RUFY4: variants seen among roughly 807,000 people sequenced by gnomAD.
The protein encoded by RUFY4 is RUN and FYVE domain containing 4.
Under a neutral mutation model 69.0 loss-of-function variants are expected in RUFY4, and 73 were observed. The ratio of observed to expected loss-of-function variants is 1.06; its 90% confidence interval spans 0.88 to 1.29. The LOEUF (loss-of-function observed/expected upper bound fraction) is 1.29. RUFY4 is among the 50% of genes most tolerant of loss of function. The pLI is 0.00. For missense variants in RUFY4, 770 were observed against 705.6 expected, an observed-to-expected ratio of 1.09 and a Z score of -1.03; for synonymous variants, 287 against 271.8, an observed-to-expected ratio of 1.06 and a Z score of -0.55.
intron 8 of RUFY4, among the ~76,000 whole-genome samples, chr2:218,080,195 G>A (rs1182135896): frequency 2.0e-5 from 3 of 152,206 alleles, no homozygotes; most frequent in Non-Finnish European, 2.9e-5. Context: ...GTGAGGCACC[G>A]GAATTCTCTG....
chr2:218,040,411 A>G (rs1446810299), intron 2 of RUFY4, among the ~76,000 whole-genome samples: 2 of 152,154 alleles, frequency 1.3e-5, no homozygotes, highest in African/African-American at 4.8e-5. Context: ...ACGGTTGGAC[A>G]CACCTGGCTG....
chr2:218,064,226 C>T (rs772470372), intron 3 of RUFY4, among the ~76,000 whole-genome samples: 31 of 152,196 alleles, frequency 2.0e-4, no homozygotes, highest in Non-Finnish European at 4.3e-4. Flanking sequence ...GGCTCAAGGC[C>T]AGGCGCCTGG....
chr2:218,075,150 C>G, exon 7 of RUFY4: 1 of 1,554,516 alleles, frequency 6.4e-7, no homozygotes, highest in African/African-American at 1.4e-5. Context: ...ACACACCAGT[C>G]AAGCCATCTG....
chr2:218,085,779 T>G (rs1326499068), intron 9 of RUFY4, among the ~76,000 whole-genome samples: 1 of 152,232 alleles, frequency 6.6e-6, no homozygotes, highest in African/African-American at 2.4e-5. Flanking sequence ...GTGCCCCAAA[T>G]AAAAGACCAG....
exon 4 of RUFY4, chr2:218,072,789 C>T (rs1421651378): frequency 6.5e-7 from 1 of 1,530,594 alleles, no homozygotes; most frequent in Non-Finnish European, 8.7e-7. Context: ...TTGAAGACCC[C>T]TCTGGGGAAA....
At chr2:218,070,396 C>A, upstream of RUFY4, 1 of 621,498 alleles carries the variant, frequency 1.6e-6, no homozygotes, top group Non-Finnish European at 2.9e-6. Context: ...TCGGTGGAGG[C>A]CACACCATCA....
At chr2:218,060,105 A>C in intron 3 of RUFY4, 1 of 368,408 alleles carries the variant, frequency 2.7e-6, no homozygotes, top group Non-Finnish European at 5.1e-6. Flanking sequence ...CAAGGGCAGG[A>C]GGGACAGAGC....
At chr2:218,071,190 C>T (rs755110555) in intron 2 of RUFY4, among the ~76,000 whole-genome samples, 4 of 152,198 alleles carry the variant, frequency 2.6e-5, no homozygotes, top group Non-Finnish European at 4.4e-5. Context: ...ACCAGCACCG[C>T]TTTTATTGAA....
At chr2:218,044,874 C>T (rs1430312176) in intron 2 of RUFY4, among the ~76,000 whole-genome samples, 1 of 152,182 alleles carries the variant, frequency 6.6e-6, no homozygotes, top group Non-Finnish European at 1.5e-5. Context: ...TATGTCTTTG[C>T]TATTGTGAAT....
exon 9 of RUFY4, chr2:218,083,226 C>T (rs1438262986): frequency 5.0e-6 from 8 of 1,611,466 alleles, no homozygotes; most frequent in Admixed American, 1.7e-5. Flanking sequence ...TTGGTCCAGG[C>T]CATGAAGAGG....
intron 5 of RUFY4, among the ~76,000 whole-genome samples, 160 bp downstream of exon 7, chr2:218,073,546 G>A (rs544999898): frequency 2.9e-4 from 44 of 152,150 alleles, no homozygotes; most frequent in Non-Finnish European, 4.9e-4. Flanking sequence ...TGCTCCCAGT[G>A]CAAATTCATG....
chr2:218,072,703 A>C (rs1341885729), intron 3 of RUFY4, 76 bp from the exon 6 acceptor site: 43 of 1,309,840 alleles, frequency 3.3e-5, no homozygotes, highest in Non-Finnish European at 4.1e-5. Context: ...AAGCACTTCC[A>C]GTCCCCTCTC....
exon 1 of RUFY4, chr2:218,035,173 A>G (rs899930199): frequency 3.9e-5 from 6 of 152,262 alleles, no homozygotes; most frequent in African/African-American, 1.4e-4. Flanking sequence ...CCAGCCAGCC[A>G]GGCTCTCCTG....
At chr2:218,038,109 A>G (rs1037271509) in intron 2 of RUFY4, among the ~76,000 whole-genome samples, 23 of 152,210 alleles carry the variant, frequency 1.5e-4, no homozygotes, top group African/African-American at 5.5e-4. Context: ...CCTTAGAGTT[A>G]TGGAAATTCT....
At chr2:218,067,018 C>T (rs556873884), upstream of RUFY4, among the ~76,000 whole-genome samples, 58 of 152,360 alleles carry the variant, frequency 3.8e-4, no homozygotes, top group African/African-American at 1.3e-3. Context: ...TATTTCAACA[C>T]GCTAATACAG....
At chr2:218,060,356 T>C (rs147586635) in intron 3 of RUFY4, 127 of 1,540,948 alleles carry the variant, frequency 8.2e-5, no homozygotes, top group Admixed American at 1.9e-4. Flanking sequence ...GTAGTGGAAG[T>C]GTGCCCTGAA....
intron 2 of RUFY4, among the ~76,000 whole-genome samples, chr2:218,048,916 G>C (rs1688885750): frequency 1.3e-5 from 2 of 152,170 alleles, no homozygotes; most frequent in Non-Finnish European, 2.9e-5. Flanking sequence ...CTAGTCCTCA[G>C]TTGTTAAATC....
intron 9 of RUFY4, among the ~76,000 whole-genome samples, chr2:218,084,565 G>A (rs111471220): frequency 1.4e-3 from 212 of 152,140 alleles, no homozygotes; most frequent in African/African-American, 4.9e-3. Flanking sequence ...GGTATTAAGG[G>A]TGAGAAAAAG....
chr2:218,045,933 T>C (rs1688816671), intron 2 of RUFY4, among the ~76,000 whole-genome samples: 2 of 151,984 alleles, frequency 1.3e-5, no homozygotes, highest in African/African-American at 4.8e-5. Context: ...GCCTCCCGAG[T>C]AGCTGGGACT....
Sources: allele counts gnomAD v4.1 joint callset (sites outside exome capture counted in the v4.1 genomes callset), GRCh38; gene constraint gnomAD v4.1.1; transcripts MANE v1.5; gene names NCBI Gene and HGNC (gene_info 2026-07-23, HGNC 2026-07-21).